The following MAP1LC3B2 variants were observed in gnomAD, a reference collection of about 807,000 sequenced individuals.
The protein encoded by MAP1LC3B2 is microtubule-associated protein 1 light chain 3 beta 2.
For synonymous variants in MAP1LC3B2, 62 were observed against 57.8 expected (o/e 1.07, Z -0.33); for missense variants, 155 against 154.6 (o/e 1.00, Z -0.01).
intron 1 of MAP1LC3B2, among the ~76,000 whole-genome samples, chr12:116,560,815 A>G (rs1302336418): frequency 1.0e-5 from 1 of 99,044 alleles, no homozygotes; most frequent in African/African-American, 4.2e-5. Flanking sequence ...GTTTCTACAA[A>G]TAGTTTAAAA....
chr12:116,572,365 A>T (rs766976860), intron 1 of MAP1LC3B2, among the ~76,000 whole-genome samples: 17 of 94,618 alleles, frequency 1.8e-4, no homozygotes, highest in Admixed American at 2.6e-4. Flanking sequence ...GGCATGCCTC[A>T]GTTCTTTTTT....
intron 1 of MAP1LC3B2, among the ~76,000 whole-genome samples, chr12:116,568,432 G>A (rs1438023656): frequency 6.6e-6 from 1 of 152,166 alleles, no homozygotes; most frequent in African/African-American, 2.4e-5. Context: ...AATCTTTTCA[G>A]TTTTTAGCTT....
intron 1 of MAP1LC3B2, among the ~76,000 whole-genome samples, chr12:116,575,008 C>T (rs1039263530): frequency 2.6e-5 from 4 of 151,768 alleles, no homozygotes; most frequent in Admixed American, 6.6e-5. Flanking sequence ...GGAGAAACCC[C>T]GTCTCTACTA....
chr12:116,575,657 A>G (rs1450023156), intron 1 of MAP1LC3B2, among the ~76,000 whole-genome samples, 185 bp from the exon 2 acceptor site: 1 of 152,218 alleles, frequency 6.6e-6, no homozygotes, highest in Non-Finnish European at 1.5e-5. Context: ...CTTGAAAAAC[A>G]GTCTTGACTC....
intron 1 of MAP1LC3B2, among the ~76,000 whole-genome samples, chr12:116,567,739 CTCTG>C (rs1869427632): frequency 2.0e-5 from 3 of 151,470 alleles, no homozygotes; most frequent in East Asian, 1.9e-4. Flanking sequence ...CAGAGTGAGA[CTCTG>C]TCTAAAAAAT....
At chr12:116,570,239 A>G (rs1355039011) in intron 1 of MAP1LC3B2, among the ~76,000 whole-genome samples, 1 of 152,192 alleles carries the variant, frequency 6.6e-6, no homozygotes, top group Non-Finnish European at 1.5e-5. Flanking sequence ...CAACTTTATG[A>G]TGGTGCAAAA....
intron 1 of MAP1LC3B2, among the ~76,000 whole-genome samples, chr12:116,572,433 C>G (rs1869561143): frequency 6.8e-6 from 1 of 148,062 alleles, no homozygotes; most frequent in Non-Finnish European, 1.5e-5. Context: ...GGCGTGATCT[C>G]AGCTCACTGC....
intron 1 of MAP1LC3B2, among the ~76,000 whole-genome samples, chr12:116,571,360 C>T (rs1869525546): frequency 6.7e-6 from 1 of 149,770 alleles, no homozygotes. Context: ...GTGCAAGAAC[C>T]TTGGGGCAGT....
intron 1 of MAP1LC3B2, among the ~76,000 whole-genome samples, chr12:116,569,795 C>T (rs1002449427): frequency 6.6e-6 from 1 of 152,146 alleles, no homozygotes. Context: ...GTGGCTCGCT[C>T]CTGTAATCCC....
chr12:116,571,830 C>T (rs11615308), intron 1 of MAP1LC3B2, among the ~76,000 whole-genome samples: 60,014 of 151,442 alleles, frequency 0.4, 13,437 homozygotes, highest in Non-Finnish European at 0.51. Context: ...CTCCTTTGTC[C>T]TAAAAAGACC....
In MAP1LC3B2 at chr12:116,576,455, T is replaced by A. The variant is rs930043178; in HGVS notation, c.*135T>A. 6 of 1,327,198 alleles carry A rather than the reference T, an allele frequency of 4.5e-6. No individual in the cohort carries two copies. In the East Asian group the frequency reaches 7.3e-5, roughly 16 times the overall value. The allele number at this position is 1,327,198 out of a possible 1,614,324, so 82.2% of individuals were successfully genotyped here. A position where few individuals can be genotyped will look rare whatever the true frequency, so the allele number is the denominator to read the frequency against. ...CAGTAGTGTTCCCACCTAGGAGTGTTAGGAAGTTGTGTTTGTGTTTCAAGC... is the reference window on the plus strand; with the variant it reads ...CAGTAGTGTTCCCACCTAGGAGTGTAAGGAAGTTGTGTTTGTGTTTCAAGC... On this transcript the variant is annotated 3_prime_UTR_variant, in exon 2 of 2. Transcript: ENST00000556529.
At position 116,576,390 on chromosome 12, in the gene MAP1LC3B2, A is replaced by T; in HGVS notation, c.*70A>T. On this transcript the variant is annotated 3_prime_UTR_variant, in exon 2 of 2. Coordinates refer to ENST00000556529, the MANE Select transcript of MAP1LC3B2 (RefSeq NM_001085481.3). ...CAAGGAAAAAAAAAGGGATGTTACC[A>T]ACTGAGATCGATCAGTTCATCTAAT... 2 of 1,552,118 alleles carry T rather than the reference A, an allele frequency of 1.3e-6. No homozygotes were observed. Among genetic ancestry groups the T allele is most frequent in the Non-Finnish European group, 1.7e-6 (2 of 1,152,430 alleles).
intron 1 of MAP1LC3B2, among the ~76,000 whole-genome samples, chr12:116,568,868 C>CTTTT (rs35884310): frequency 7.2e-6 from 1 of 139,740 alleles, no homozygotes; most frequent in African/African-American, 2.7e-5. Context: ...TCTTTTCTTT[C>CTTTT]TTTTTTTTTT....
intron 1 of MAP1LC3B2, among the ~76,000 whole-genome samples, chr12:116,565,463 G>C (rs1392091605): frequency 1.3e-5 from 2 of 152,188 alleles, no homozygotes; most frequent in Non-Finnish European, 2.9e-5. Flanking sequence ...AGAACAGTAT[G>C]GGGGAGCCGC....
chr12:116,567,423 G>C (rs1869415622), intron 1 of MAP1LC3B2, among the ~76,000 whole-genome samples: 1 of 149,932 alleles, frequency 6.7e-6, no homozygotes, highest in Admixed American at 6.7e-5. Context: ...TTAGTCACTT[G>C]TATCTTGTTG....
intron 1 of MAP1LC3B2, among the ~76,000 whole-genome samples, chr12:116,568,946 G>A (rs1295224098): frequency 6.7e-6 from 1 of 148,932 alleles, no homozygotes; most frequent in African/African-American, 2.5e-5. Context: ...TGCAAGCTTC[G>A]CCTCCTGGGT....
In MAP1LC3B2 at chr12:116,576,191, G is replaced by A. The variant is rs373910372; in HGVS notation, c.249G>A (p.Val83=). 1.1e-4 allele frequency: 176 copies of A among 1,613,982 alleles called. No homozygotes were observed. The highest frequency in any genetic ancestry group is 3.3e-4 in the Admixed American group (20 of 59,988). The change falls in exon 2 of 2, where the codon GTG becomes GTA. Residue 83 remains valine (V), a synonymous_variant. Transcript: ENST00000556529. ...LNANQAFFLL[V]NGHSMVSVST... ...CTAATCAGGCCTTCTTCCTGTTGGT[G>A]AACGGACACAGCATGGTCAGCGTCT...
chr12:116,572,550 G>C (rs1166158463), intron 1 of MAP1LC3B2, among the ~76,000 whole-genome samples: 2 of 152,088 alleles, frequency 1.3e-5, no homozygotes, highest in Non-Finnish European at 2.9e-5. Flanking sequence ...ATTTTTAGTA[G>C]AGACAGGGTT....
Position 116,576,490 on chromosome 12 carries a change from G to C in MAP1LC3B2, c.*170G>C. ...TGTTTGTGTTTCAAGCAGAAAAACTGAGCTCCAAGTGAGCACATTCAGCTT... is the reference window on the plus strand; with the variant it reads ...TGTTTGTGTTTCAAGCAGAAAAACTCAGCTCCAAGTGAGCACATTCAGCTT... On this transcript the variant is annotated 3_prime_UTR_variant, in exon 2 of 2. Coordinates refer to ENST00000556529, the MANE Select transcript of MAP1LC3B2 (RefSeq NM_001085481.3). 2.4e-6 allele frequency: 2 copies of C among 823,482 alleles called. No homozygotes were observed. Among genetic ancestry groups the C allele is most frequent in the South Asian group, 3.9e-5 (2 of 50,790 alleles). 51.0% of individuals were successfully genotyped at this position (823,482 alleles called of 1,614,324 possible).
Sources: gnomAD v4.1 joint callset for allele counts (sites outside exome capture counted in the v4.1 genomes callset) on GRCh38, gnomAD v4.1.1 for gene constraint, MANE v1.5 for transcripts, NCBI Gene and HGNC (gene_info 2026-07-23, HGNC 2026-07-21) for gene names.